The following GRXCR2 variants were observed in gnomAD, a reference collection of about 807,000 sequenced individuals.
The protein encoded by GRXCR2 is glutaredoxin and cysteine rich domain containing 2.
GRXCR2 carries 23 observed loss-of-function variants against 24.8 expected under a neutral mutation model. The observed-to-expected ratio is 0.93, with a 90% CI of 0.67 to 1.32. GRXCR2 has a LOEUF of 1.32. Ranked by LOEUF, GRXCR2 falls within the 40% of genes most tolerant of loss-of-function variation. The pLI is 0.00. For missense variants in GRXCR2, 315 were observed against 303.4 expected (o/e 1.04, Z -0.28); for synonymous variants, 130 against 116.1 (o/e 1.12, Z -0.77).
chr5:145,895,406 C>T (rs1340041953), intron 2 of GRXCR2, among the ~76,000 whole-genome samples: 10 of 152,270 alleles, frequency 6.6e-5, no homozygotes, highest in African/African-American at 2.2e-4. Flanking sequence ...AGCCCAAAAT[C>T]TCCTTAAGCT....
At chr5:145,860,551 C>T (rs1756317517) in intron 2 of GRXCR2, among the ~76,000 whole-genome samples, 1 of 152,172 alleles carries the variant, frequency 6.6e-6, no homozygotes, top group Admixed American at 6.5e-5. Context: ...CAAGACTGTT[C>T]TGTGTGACTG....
At chr5:145,877,902 A>AG (rs559912885), upstream of GRXCR2, among the ~76,000 whole-genome samples, 16 of 152,384 alleles carry the variant, frequency 1.0e-4, no homozygotes, top group South Asian at 2.7e-3. Context: ...CCAGGCAAAC[A>AG]GGGTCTGGAG....
rs1478188456 is a variant in GRXCR2 at position 145,859,230 on chromosome 5, CCTGCTAGT to C, written c.*495_*502del. The C allele has an allele frequency of 1.3e-5, 2 of 156,126 alleles. No homozygotes were observed. The highest frequency in any genetic ancestry group is 2.8e-5 in the Non-Finnish European group (2 of 70,222). The allele number at this position is 156,126 out of a possible 1,614,324, so 9.7% of individuals were successfully genotyped here. On this transcript the variant is annotated 3_prime_UTR_variant, in exon 3 of 3. Transcript: ENST00000377976. ...GAACATCCCATTTTGCTTGCTGTGGCCTGCTAGTGCGTTCAGCGTTGGCTGTCCGTTTC... is the reference window on the plus strand; with the variant it reads ...GAACATCCCATTTTGCTTGCTGTGGCGCGTTCAGCGTTGGCTGTCCGTTTC...
At chr5:145,899,654 A>C (rs1024360846) in intron 2 of GRXCR2, among the ~76,000 whole-genome samples, 5 of 152,174 alleles carry the variant, frequency 3.3e-5, no homozygotes, top group African/African-American at 1.2e-4. Flanking sequence ...AAAAATAAGC[A>C]ACATGAAAAA....
At chr5:145,901,988 T>C (rs879695317) in intron 2 of GRXCR2, among the ~76,000 whole-genome samples, 2 of 152,158 alleles carry the variant, frequency 1.3e-5, no homozygotes, top group African/African-American at 4.8e-5. Context: ...ATGGTATTCA[T>C]GGAGGGAGTG....
At chr5:145,926,664 T>C (rs537180599) in intron 2 of GRXCR2, among the ~76,000 whole-genome samples, 16 of 152,222 alleles carry the variant, frequency 1.1e-4, no homozygotes, top group Admixed American at 9.8e-4. Flanking sequence ...GGTAGTGTGA[T>C]GCCTCCAGCT....
At chr5:145,881,075 A>G (rs902693431) in intron 2 of GRXCR2, among the ~76,000 whole-genome samples, 1 of 152,254 alleles carries the variant, frequency 6.6e-6, no homozygotes, top group Non-Finnish European at 1.5e-5. Context: ...CCAATATCAT[A>G]CTGAATGGGC....
At chr5:145,883,111 T>A (rs1756726526) in intron 2 of GRXCR2, among the ~76,000 whole-genome samples, 1 of 151,786 alleles carries the variant, frequency 6.6e-6, no homozygotes, top group Non-Finnish European at 1.5e-5. Flanking sequence ...ACATGGCACA[T>A]GTATACATAT....
intron 2 of GRXCR2, among the ~76,000 whole-genome samples, chr5:145,887,272 T>A (rs530163193): frequency 2.0e-5 from 3 of 152,148 alleles, no homozygotes; most frequent in South Asian, 2.1e-4. Flanking sequence ...ATTTTTAAAA[T>A]TTTTTTATAG....
intron 2 of GRXCR2, among the ~76,000 whole-genome samples, chr5:145,863,712 A>G (rs1756379463): frequency 6.6e-6 from 1 of 152,114 alleles, no homozygotes; most frequent in Non-Finnish European, 1.5e-5. Flanking sequence ...TGCCCAGGCT[A>G]GTTTCGAGCT....
intron 2 of GRXCR2, among the ~76,000 whole-genome samples, chr5:145,920,115 T>C (rs939090490): frequency 6.6e-5 from 10 of 152,200 alleles, no homozygotes; most frequent in African/African-American, 2.4e-4. Context: ...CAAGCAATTA[T>C]TGATGTAGTC....
intron 2 of GRXCR2, among the ~76,000 whole-genome samples, chr5:145,885,697 A>G (rs1454393785): frequency 6.6e-6 from 1 of 152,246 alleles, no homozygotes; most frequent in Non-Finnish European, 1.5e-5. Flanking sequence ...ACTGAGGAAT[A>G]CACCATTTCC....
chr5:145,910,750 T>A (rs948555225), intron 2 of GRXCR2, among the ~76,000 whole-genome samples: 3 of 152,126 alleles, frequency 2.0e-5, no homozygotes, highest in Non-Finnish European at 4.4e-5. Flanking sequence ...CATACAGGGT[T>A]GAGACTGAAG....
intron 2 of GRXCR2, among the ~76,000 whole-genome samples, chr5:145,889,238 A>AAGAAAGAAAGAAAGAAAGAG (rs1201131471): frequency 3.1e-4 from 46 of 149,140 alleles, no homozygotes; most frequent in Middle Eastern, 3.4e-3. Context: ...GAAAGAAAGA[A>AAGAAAGAAAGAAAGAAAGAG]AGAAAGAATT....
chr5:145,917,260 G>A (rs1757254628), intron 2 of GRXCR2, among the ~76,000 whole-genome samples: 1 of 150,994 alleles, frequency 6.6e-6, no homozygotes, highest in African/African-American at 2.4e-5. Flanking sequence ...GGCACACACG[G>A]CTCAGAAAGG....
chr5:145,888,137 A>G (rs1276952306), intron 2 of GRXCR2, among the ~76,000 whole-genome samples: 1 of 152,222 alleles, frequency 6.6e-6, no homozygotes, highest in Admixed American at 6.5e-5. Context: ...TCTAGTAAGC[A>G]TGGCTAGTTA....
intron 2 of GRXCR2, among the ~76,000 whole-genome samples, chr5:145,926,586 T>G (rs1201960843): frequency 6.6e-6 from 1 of 152,310 alleles, no homozygotes; most frequent in Non-Finnish European, 1.5e-5. Flanking sequence ...CATTGGTCTA[T>G]ATCTCTGTGT....
intron 1 of GRXCR2, among the ~76,000 whole-genome samples, chr5:145,871,245 T>C (rs1756527521): frequency 6.6e-6 from 1 of 152,146 alleles, no homozygotes; most frequent in African/African-American, 2.4e-5. Context: ...ATAGTATAAG[T>C]ACAAGACTAG....
downstream of GRXCR2, among the ~76,000 whole-genome samples, chr5:145,858,018 G>A (rs548042615): frequency 4.6e-5 from 7 of 152,156 alleles, no homozygotes; most frequent in Non-Finnish European, 7.4e-5. Flanking sequence ...TATTCCTGTC[G>A]AAAAGCAGAA....
Sources: allele counts gnomAD v4.1 joint callset (sites outside exome capture counted in the v4.1 genomes callset), GRCh38; gene constraint gnomAD v4.1.1; transcripts MANE v1.5; gene names NCBI Gene and HGNC (gene_info 2026-07-23, HGNC 2026-07-21).